WWOX: variants seen among roughly 807,000 people sequenced by gnomAD.
The protein encoded by WWOX is WW domain containing oxidoreductase, also known as WW domain-containing oxidoreductase.
A neutral mutation model predicts 46.2 loss-of-function variants in WWOX; 69 were observed. The ratio of observed to expected loss-of-function variants is 1.49; its 90% confidence interval spans 1.23 to 1.82. The LOEUF is 1.82. WWOX is among the 40% of genes most tolerant of loss of function. The pLI is 0.00. For missense variants in WWOX, 919 were observed against 542.6 expected (o/e 1.69, Z -6.89); for synonymous variants, 359 against 202.6 (o/e 1.77, Z -6.56).
At chr16:78,560,689 G>T (rs762379737) in intron 8 of WWOX, among the ~76,000 whole-genome samples, 13 of 151,944 alleles carry the variant, frequency 8.6e-5, no homozygotes, top group Non-Finnish European at 1.9e-4. Context: ...TAATGTTAGT[G>T]ATACATATCA....
chr16:78,740,482 T>C (rs1443249674), intron 8 of WWOX, among the ~76,000 whole-genome samples: 1 of 152,144 alleles, frequency 6.6e-6, no homozygotes, highest in Non-Finnish European at 1.5e-5. Flanking sequence ...GAAAACTGAT[T>C]TCCGTTGCCC....
At chr16:78,556,541 T>A (rs549766089) in intron 8 of WWOX, among the ~76,000 whole-genome samples, 2 of 152,184 alleles carry the variant, frequency 1.3e-5, no homozygotes, top group African/African-American at 4.8e-5. Context: ...GTATCTACAA[T>A]GGAAATGGGT....
intron 8 of WWOX, among the ~76,000 whole-genome samples, chr16:79,031,441 GA>G (rs60620121): frequency 6.2e-3 from 388 of 63,018 alleles, no homozygotes; most frequent in South Asian, 0.017. Context: ...CAAGTGGGCT[GA>G]AGAAAGGGAC....
intron 8 of WWOX, among the ~76,000 whole-genome samples, chr16:78,924,358 C>T (rs933432477): frequency 6.6e-6 from 1 of 152,042 alleles, no homozygotes; most frequent in Non-Finnish European, 1.5e-5. Flanking sequence ...AGCTTGCTGC[C>T]ATCATATCAT....
intron 8 of WWOX, among the ~76,000 whole-genome samples, chr16:78,529,947 G>A (rs12446870): frequency 6.6e-6 from 1 of 152,204 alleles, no homozygotes; most frequent in Admixed American, 6.5e-5. Flanking sequence ...TGTTGATGAA[G>A]CAGGAAATTT....
chr16:79,133,387 C>G (rs2049920461), intron 8 of WWOX, among the ~76,000 whole-genome samples: 1 of 152,102 alleles, frequency 6.6e-6, no homozygotes. Flanking sequence ...TAAATGGGAG[C>G]AAAGATTGAT....
At chr16:78,771,952 A>G (rs2050075179) in intron 8 of WWOX, among the ~76,000 whole-genome samples, 2 of 152,218 alleles carry the variant, frequency 1.3e-5, no homozygotes, top group Admixed American at 1.3e-4. Flanking sequence ...TAGTACAAAA[A>G]TGATACTTCC....
intron 8 of WWOX, among the ~76,000 whole-genome samples, chr16:78,745,919 G>T (rs185115947): frequency 2.6e-5 from 4 of 152,096 alleles, no homozygotes; most frequent in Non-Finnish European, 5.9e-5. Flanking sequence ...ACCTGCCAAG[G>T]AAAACACTCC....
chr16:78,179,436 A>G (rs533332747), intron 5 of WWOX, among the ~76,000 whole-genome samples: 2 of 152,326 alleles, frequency 1.3e-5, no homozygotes, highest in South Asian at 4.1e-4. Context: ...AGACAAGAAA[A>G]CTGAGGCCCA....
chr16:78,965,140 C>T (rs1385243442), intron 8 of WWOX, among the ~76,000 whole-genome samples: 1 of 152,212 alleles, frequency 6.6e-6, no homozygotes, highest in Non-Finnish European at 1.5e-5. Context: ...TACTGGGGCA[C>T]TGCCCAGTGG....
intron 8 of WWOX, among the ~76,000 whole-genome samples, chr16:78,591,276 C>G (rs533479528): frequency 6.6e-6 from 1 of 152,168 alleles, no homozygotes; most frequent in African/African-American, 2.4e-5. Flanking sequence ...TCCCCAAAGC[C>G]CCTCAACACA....
intron 4 of WWOX, among the ~76,000 whole-genome samples, chr16:78,145,120 G>A (rs1597263420): frequency 6.6e-6 from 1 of 152,154 alleles, no homozygotes; most frequent in Non-Finnish European, 1.5e-5. Context: ...CAAGGTGTTG[G>A]CAGGGTTGGT....
intron 5 of WWOX, among the ~76,000 whole-genome samples, chr16:78,176,804 A>C (rs1343418584): frequency 6.6e-6 from 1 of 152,224 alleles, no homozygotes; most frequent in East Asian, 1.9e-4. Context: ...AGCAATAAGA[A>C]GATAAAAATA....
intron 8 of WWOX, among the ~76,000 whole-genome samples, chr16:78,603,915 G>C (rs901629189): frequency 1.3e-5 from 2 of 152,040 alleles, no homozygotes; most frequent in African/African-American, 4.8e-5. Flanking sequence ...GCTGACGTGG[G>C]AGGATTGCTT....
At chr16:78,411,609 A>T (rs1597190168) in intron 6 of WWOX, among the ~76,000 whole-genome samples, 1 of 152,208 alleles carries the variant, frequency 6.6e-6, no homozygotes, top group Non-Finnish European at 1.5e-5. Context: ...TTTAGCAGAC[A>T]TTTAGGAACC....
chr16:79,198,272 A>T (rs1272417470), intron 8 of WWOX, among the ~76,000 whole-genome samples: 1 of 152,146 alleles, frequency 6.6e-6, no homozygotes, highest in Non-Finnish European at 1.5e-5. Flanking sequence ...TGGGAGGCGG[A>T]GGTTGATGTA....
At chr16:79,059,486 A>G (rs1434065516) in intron 8 of WWOX, among the ~76,000 whole-genome samples, 2 of 152,116 alleles carry the variant, frequency 1.3e-5, no homozygotes, top group Admixed American at 6.5e-5. Flanking sequence ...AGTCTTTTTT[A>G]TTTATATGTT....
intron 8 of WWOX, among the ~76,000 whole-genome samples, chr16:79,211,091 T>TC (rs907987546): frequency 2.0e-5 from 3 of 147,876 alleles, no homozygotes; most frequent in African/African-American, 7.4e-5. Context: ...TGCCAACCCT[T>TC]CCCCTAGCAG....
At chr16:78,633,239 G>C (rs1321324361) in intron 8 of WWOX, among the ~76,000 whole-genome samples, 2 of 152,162 alleles carry the variant, frequency 1.3e-5, no homozygotes, top group East Asian at 1.9e-4. Context: ...TCCATGCTAG[G>C]TGACAGAGCA....
Sources: allele counts gnomAD v4.1 joint callset (sites outside exome capture counted in the v4.1 genomes callset), GRCh38; gene constraint gnomAD v4.1.1; transcripts MANE v1.5; gene names NCBI Gene and HGNC (gene_info 2026-07-23, HGNC 2026-07-21).